TMEM132B: variants seen among roughly 807,000 people sequenced by gnomAD.
The protein encoded by TMEM132B is transmembrane protein 132B.
TMEM132B carries 18 observed loss-of-function variants against 90.8 expected under a neutral mutation model. The ratio of observed to expected loss-of-function variants is 0.20; its 90% CI spans 0.14 to 0.29. The LOEUF (loss-of-function observed/expected upper bound fraction) is 0.29. Ranked by LOEUF, TMEM132B falls within the 10% of genes least tolerant of loss-of-function variation. The pLI is 1.00. For synonymous variants in TMEM132B, 504 were observed against 523.3 expected, an observed-to-expected ratio of 0.96 and a Z score of 0.50; for missense variants, 1,096 against 1,326.8, an observed-to-expected ratio of 0.83 and a Z score of 2.70.
In TMEM132B at chr12:125,504,866, C is replaced by T. The variant is rs1036775343; in HGVS notation, c.1107-14573C>T. 2.0e-5 allele frequency among the ~76,000 whole-genome samples: 3 copies of T among 151,692 alleles called. No individual in the cohort carries two copies. In the East Asian group the frequency reaches 5.8e-4, roughly 29 times the overall value. Reference sequence around the variant, plus strand: ...GAGGCAGTGTTTGGGGCAACCACAACCACTGGAAAATGAGGGGAGAATGCT... The same window carrying T: ...GAGGCAGTGTTTGGGGCAACCACAATCACTGGAAAATGAGGGGAGAATGCT... On this transcript the variant is annotated intron_variant, in intron 3 of 8. Transcript: ENST00000682704.
chr12:125,212,179 C>T (rs2136066478), intron 1 of TMEM132B, among the ~76,000 whole-genome samples: 1 of 152,176 alleles, frequency 6.6e-6, no homozygotes, highest in Non-Finnish European at 1.5e-5. Flanking sequence ...GCTTCCTATC[C>T]CAGTGCGGAA....
chr12:125,191,681 G>A (rs541764186), intron 1 of TMEM132B, among the ~76,000 whole-genome samples: 30 of 152,304 alleles, frequency 2.0e-4, no homozygotes, highest in Admixed American at 1.2e-3. Flanking sequence ...GCTTAGAGCC[G>A]TAGAAATCAA....
intron 1 of TMEM132B, among the ~76,000 whole-genome samples, chr12:125,267,677 A>C (rs1216139341): frequency 2.0e-5 from 3 of 152,062 alleles, no homozygotes; most frequent in Admixed American, 2.0e-4. Flanking sequence ...AGTGGTGGGG[A>C]CTGTGGCTCA....
intron 3 of TMEM132B, among the ~76,000 whole-genome samples, chr12:125,435,488 G>T (rs1000484800): frequency 1.3e-5 from 2 of 152,272 alleles, no homozygotes; most frequent in Admixed American, 1.3e-4. Context: ...GGACATACCA[G>T]CCCCAGCATC....
rs538374812 is a variant in TMEM132B at position 125,424,751 on chromosome 12, C to A, written c.1106+9074C>A. Among the ~76,000 whole-genome samples the A allele has an allele frequency of 2.0e-5, 3 of 152,254 alleles. No homozygotes were observed. The East Asian group carries it at 5.8e-4, about 29-fold the overall frequency. On this transcript the variant is annotated intron_variant, in intron 3 of 8. Transcript: ENST00000682704. ...TAAAGGCAGATTTTATTCAGAGACT[C>A]TTCCTGCAACAGTGGAAAAGAGACC...
chr12:125,575,922 C>T (rs1055344360), intron 4 of TMEM132B, among the ~76,000 whole-genome samples: 1 of 152,010 alleles, frequency 6.6e-6, no homozygotes, highest in Non-Finnish European at 1.5e-5. Flanking sequence ...AAGTGTGAGC[C>T]TTCCAACTGT....
At chr12:125,501,550 C>T (rs1158935790) in intron 3 of TMEM132B, among the ~76,000 whole-genome samples, 1 of 152,072 alleles carries the variant, frequency 6.6e-6, no homozygotes, top group East Asian at 1.9e-4. Flanking sequence ...CCCCGACAGG[C>T]CCCAGTGTGT....
intron 4 of TMEM132B, among the ~76,000 whole-genome samples, chr12:125,569,296 G>A (rs186944784): frequency 1.0e-3 from 158 of 152,078 alleles, no homozygotes; most frequent in African/African-American, 3.6e-3. Context: ...GGATATTATC[G>A]CCCCACCTTA....
chr12:125,426,845 C>G (rs35052438), intron 3 of TMEM132B, among the ~76,000 whole-genome samples: 19,238 of 152,212 alleles, frequency 0.13, 1,275 homozygotes, highest in African/African-American at 0.14. Context: ...GACGCTGAGA[C>G]AGTGAATTGA....
At chr12:125,250,836 TCTG>T (rs1303958604) in intron 1 of TMEM132B, among the ~76,000 whole-genome samples, 1 of 152,184 alleles carries the variant, frequency 6.6e-6, no homozygotes, top group African/African-American at 2.4e-5. Flanking sequence ...CTGCCCACGG[TCTG>T]CTGGGTAAAA....
chr12:125,519,710 A>G (rs931795838), intron 4 of TMEM132B, 85 bp downstream of exon 4: 4 of 1,350,004 alleles, frequency 3.0e-6, no homozygotes, highest in African/African-American at 2.9e-5. Flanking sequence ...TATTTTCCAC[A>G]TACCTGATAC....
chr12:125,190,675 A>G (rs1182055724), intron 1 of TMEM132B, among the ~76,000 whole-genome samples: 1 of 8,200 alleles, frequency 1.2e-4, no homozygotes, highest in Non-Finnish European at 2.2e-4. Flanking sequence ...AGGGGTGGTG[A>G]TGGGGAAGGG....
chr12:125,508,396 A>T (rs1473825775), intron 3 of TMEM132B, among the ~76,000 whole-genome samples: 1 of 152,178 alleles, frequency 6.6e-6, no homozygotes, highest in Non-Finnish European at 1.5e-5. Flanking sequence ...TTTGTGCGTG[A>T]TGCTGCTCCT....
intron 5 of TMEM132B, among the ~76,000 whole-genome samples, chr12:125,613,771 A>G (rs1885920806): frequency 6.6e-6 from 1 of 152,060 alleles, no homozygotes; most frequent in Non-Finnish European, 1.5e-5. Context: ...ATTAGACTTT[A>G]TATAATGTTA....
In TMEM132B at chr12:125,415,379, C is replaced by T. The variant is rs1879979986; in HGVS notation, c.960-152C>T. 3 of 965,222 alleles carry T rather than the reference C, an allele frequency of 3.1e-6. No individual in the cohort carries two copies. The African/African-American group carries it at 5.1e-5, about 16-fold the overall frequency. The allele number at this position is 965,222 out of a possible 1,614,324, so 59.8% of individuals were successfully genotyped here. On this transcript the variant is annotated intron_variant, in intron 2 of 8. Transcript: ENST00000682704. The surrounding 1 kb of genome is among the most constrained non-coding windows in gnomAD (Gnocchi z 5.3). ...AGACACTTAGTTTTTAAAGGAAAGC[C>T]ACTTGCCACCACTCTCCCCCACATC...
At chr12:125,360,331 T>C (rs1369191796) in intron 2 of TMEM132B, among the ~76,000 whole-genome samples, 1 of 152,202 alleles carries the variant, frequency 6.6e-6, no homozygotes, top group Non-Finnish European at 1.5e-5. Context: ...AGTTATAAAG[T>C]AAAACACTGT....
chr12:125,326,280 C>T (rs1430129706), intron 1 of TMEM132B, among the ~76,000 whole-genome samples: 2 of 152,186 alleles, frequency 1.3e-5, no homozygotes, highest in East Asian at 1.9e-4. Context: ...GTCCTGTCCC[C>T]GTGCCTTTGA....
chr12:125,354,448 C>T (rs1462306348), intron 2 of TMEM132B, among the ~76,000 whole-genome samples: 1 of 152,332 alleles, frequency 6.6e-6, no homozygotes, highest in East Asian at 1.9e-4. Context: ...CATAAACTGT[C>T]TAATTCACCC....
intron 6 of TMEM132B, among the ~76,000 whole-genome samples, chr12:125,647,548 C>T (rs561656003): frequency 2.0e-5 from 3 of 152,284 alleles, no homozygotes; most frequent in East Asian, 3.9e-4. Context: ...ATTTTTCAGG[C>T]GCTAAAAGAA....
Sources: allele counts gnomAD v4.1 joint callset (sites outside exome capture counted in the v4.1 genomes callset), GRCh38; gene constraint gnomAD v4.1.1; non-coding constraint Gnocchi (gnomAD v3.1); transcripts MANE v1.5; gene names NCBI Gene and HGNC (gene_info 2026-07-23, HGNC 2026-07-21).